The following ZFPM2 variants were observed in gnomAD, a reference collection of about 807,000 sequenced individuals.
The protein encoded by ZFPM2 is zinc finger protein, FOG family member 2, also known as zinc finger protein ZFPM2.
Under a neutral mutation model 98.6 loss-of-function variants are expected in ZFPM2, and 20 were observed. That is an observed-to-expected ratio of 0.20 (90% CI 0.14 to 0.29). The LOEUF is 0.29. Among genes scored for constraint, ZFPM2 ranks in the 10% least tolerant of loss-of-function variants. The pLI is 1.00. For synonymous variants in ZFPM2, 518 were observed against 502.7 expected, an observed-to-expected ratio of 1.03 and a Z score of -0.41; for missense variants, 1,310 against 1,388.6, an observed-to-expected ratio of 0.94 and a Z score of 0.90.
chr8:105,597,753 G>A (rs964958619), intron 4 of ZFPM2, among the ~76,000 whole-genome samples: 1 of 152,110 alleles, frequency 6.6e-6, no homozygotes, highest in East Asian at 1.9e-4. Context: ...AGTATATGGT[G>A]CAGCATGTTT....
chr8:105,682,754 T>C (rs1810638622), intron 5 of ZFPM2, among the ~76,000 whole-genome samples: 2 of 151,990 alleles, frequency 1.3e-5, no homozygotes, highest in Non-Finnish European at 2.9e-5. Context: ...AAAAGATGAG[T>C]AAAGCTGTTT....
Position 105,442,345 on chromosome 8 carries a change from A to G in ZFPM2, c.200-1935A>G, listed in dbSNP as rs545254320. 2.6e-5 allele frequency among the ~76,000 whole-genome samples: 4 copies of G among 152,296 alleles called. No individual in the cohort carries two copies. The South Asian group carries it at 8.3e-4, about 32-fold the overall frequency. ...GGTGACAGAGCGAGACTCCGTCTCA[A>G]AGCAAAACAAAAACAAAAACAAAAA... On this transcript the variant is annotated intron_variant, in intron 2 of 7. Transcript: ENST00000407775.
intron 5 of ZFPM2, among the ~76,000 whole-genome samples, chr8:105,727,053 C>G (rs1811826650): frequency 2.0e-5 from 3 of 151,640 alleles, no homozygotes; most frequent in Non-Finnish European, 4.4e-5. Flanking sequence ...GATAATAAAT[C>G]TTCGGATATG....
chr8:105,701,373 T>A (rs1378973036), intron 5 of ZFPM2, among the ~76,000 whole-genome samples: 9 of 152,210 alleles, frequency 5.9e-5, no homozygotes, highest in South Asian at 2.1e-4. Flanking sequence ...TTAGTTTATA[T>A]TCTGTCTCTA....
intron 5 of ZFPM2, among the ~76,000 whole-genome samples, chr8:105,650,335 AT>A (rs1477272376): frequency 6.6e-6 from 1 of 151,946 alleles, no homozygotes; most frequent in East Asian, 1.9e-4. Context: ...CAGCTCCTGG[AT>A]TCATTGATTT....
chr8:105,612,974 T>G (rs915779319), intron 4 of ZFPM2, among the ~76,000 whole-genome samples: 25 of 152,244 alleles, frequency 1.6e-4, no homozygotes, highest in Non-Finnish European at 2.9e-4. Flanking sequence ...TCAATCACTA[T>G]CTCAAAATAA....
chr8:105,456,476 ACT>A (rs557192874), intron 3 of ZFPM2, among the ~76,000 whole-genome samples: 8 of 151,830 alleles, frequency 5.3e-5, no homozygotes, highest in African/African-American at 1.9e-4. Flanking sequence ...CTTCTTTAAA[ACT>A]CTCTGGTAAT....
chr8:105,596,342 G>A (rs1815969384), intron 4 of ZFPM2, among the ~76,000 whole-genome samples: 1 of 151,928 alleles, frequency 6.6e-6, no homozygotes, highest in Admixed American at 6.6e-5. Flanking sequence ...TTTCATCCCT[G>A]CATTTTCAGA....
intron 4 of ZFPM2, among the ~76,000 whole-genome samples, chr8:105,601,776 C>T (rs1586491907): frequency 1.3e-5 from 2 of 151,930 alleles, no homozygotes; most frequent in African/African-American, 4.8e-5. Context: ...CATGGGGGCA[C>T]GGGCATTAGT....
intron 1 of ZFPM2, among the ~76,000 whole-genome samples, chr8:105,385,867 C>A (rs1810978423): frequency 6.6e-6 from 1 of 152,050 alleles, no homozygotes. Context: ...AATGTTGGCA[C>A]ATAGGGAAGA....
intron 2 of ZFPM2, among the ~76,000 whole-genome samples, chr8:105,441,988 T>A (rs1812260474): frequency 6.6e-6 from 1 of 152,116 alleles, no homozygotes. Context: ...TGTGCCTTTA[T>A]GCTTGCTAAG....
chr8:105,464,549 T>G (rs528146905), intron 3 of ZFPM2, among the ~76,000 whole-genome samples: 174 of 152,142 alleles, frequency 1.1e-3, no homozygotes, highest in African/African-American at 3.9e-3. Flanking sequence ...TGTGGGAGAA[T>G]GCAGGCTCCT....
intron 4 of ZFPM2, among the ~76,000 whole-genome samples, chr8:105,566,773 G>C (rs2130711211): frequency 6.6e-6 from 1 of 152,238 alleles, no homozygotes; most frequent in African/African-American, 2.4e-5. Flanking sequence ...GAAAGCCCCA[G>C]ATTACTTACA....
At chr8:105,477,524 T>C (rs1361403569) in intron 3 of ZFPM2, among the ~76,000 whole-genome samples, 2 of 152,068 alleles carry the variant, frequency 1.3e-5, no homozygotes, top group African/African-American at 4.8e-5. Flanking sequence ...ATTACAGGTG[T>C]GAGCCACCGC....
At chr8:105,602,958 A>C (rs1816122772) in intron 4 of ZFPM2, among the ~76,000 whole-genome samples, 1 of 152,114 alleles carries the variant, frequency 6.6e-6, no homozygotes, top group African/African-American at 2.4e-5. Context: ...GCTTATTGAT[A>C]AATTATTTTT....
intron 3 of ZFPM2, among the ~76,000 whole-genome samples, chr8:105,509,546 T>C (rs1057235057): frequency 2.6e-5 from 4 of 152,198 alleles, no homozygotes; most frequent in Non-Finnish European, 5.9e-5. Flanking sequence ...CTTTGGTACA[T>C]TGATCCCTTG....
intron 1 of ZFPM2, among the ~76,000 whole-genome samples, chr8:105,411,517 C>G (rs957750899): frequency 1.4e-4 from 22 of 151,832 alleles, no homozygotes; most frequent in African/African-American, 4.8e-4. Context: ...ATACATAAAA[C>G]TCTCATAAAG....
chr8:105,454,490 A>G (rs765730086), intron 3 of ZFPM2, among the ~76,000 whole-genome samples: 15 of 152,208 alleles, frequency 9.9e-5, no homozygotes, highest in Non-Finnish European at 1.0e-4. Flanking sequence ...ACTATGTGGT[A>G]GGAATGCTCA....
chr8:105,684,614 G>A lies in ZFPM2; in HGVS notation c.532+50257G>A, dbSNP rs148243687. Among the ~76,000 whole-genome samples, 239 of 152,084 alleles carry A rather than the reference G, an allele frequency of 1.6e-3. 1 individual carries two copies. Among genetic ancestry groups the A allele is most frequent in the African/African-American group, 5.4e-3 (226 of 41,504 alleles). ...CCAAAGCTAATTCCAAACAAAACAC[G>A]GTTAGTTGAATTTTCAGTATTGTTA... is the stretch of plus-strand genomic sequence containing the variant. On this transcript the variant is annotated intron_variant, in intron 5 of 7. Transcript: ENST00000407775.
Sources: gnomAD v4.1 joint callset for allele counts (sites outside exome capture counted in the v4.1 genomes callset) on GRCh38, gnomAD v4.1.1 for gene constraint, MANE v1.5 for transcripts, NCBI Gene and HGNC (gene_info 2026-07-23, HGNC 2026-07-21) for gene names.